CHST11: variants seen among roughly 807,000 people sequenced by gnomAD.
CHST11 encodes carbohydrate sulfotransferase 11.
A neutral mutation model predicts 30.4 loss-of-function variants in CHST11; 9 were observed. The observed-to-expected ratio is 0.30, with a 90% CI of 0.18 to 0.52. The LOEUF (loss-of-function observed/expected upper bound fraction) is 0.52, where lower values mean the gene tolerates loss of function less well. CHST11 is among the 20% of genes least tolerant of loss of function. CHST11 has a pLI of 0.97. For synonymous variants in CHST11, 152 were observed against 187.8 expected (o/e 0.81, Z 1.56); for missense variants, 348 against 460.6 (o/e 0.76, Z 2.24).
chr12:104,702,183 A>G lies in CHST11; in HGVS notation c.205-54766A>G, dbSNP rs141699303. 4.2e-3 allele frequency among the ~76,000 whole-genome samples: 633 copies of G among 152,318 alleles called. 5 individuals are homozygous for G. Among genetic ancestry groups the G allele is most frequent in the African/African-American group, 0.014 (565 of 41,558 alleles). ...TTAATTCACCCTACCATCTTACCAA[A>G]TCCTCCATTGCCCATTTCAAAGAAA... On this transcript the variant is annotated intron_variant, in intron 2 of 2. Transcript: ENST00000303694.
At chr12:104,718,342 ACTT>A (rs1227523057) in intron 2 of CHST11, among the ~76,000 whole-genome samples, 2 of 152,160 alleles carry the variant, frequency 1.3e-5, no homozygotes, top group East Asian at 3.9e-4. Flanking sequence ...TTGACCTCCT[ACTT>A]CTCTACCATT....
chr12:104,651,134 TC>T (rs2039486133), intron 2 of CHST11, among the ~76,000 whole-genome samples: 1 of 152,222 alleles, frequency 6.6e-6, no homozygotes, highest in African/African-American at 2.4e-5. Context: ...CATCTCCTGG[TC>T]CAAAGCCATC....
intron 1 of CHST11, among the ~76,000 whole-genome samples, chr12:104,477,140 T>C (rs1437082284): frequency 6.6e-6 from 1 of 152,166 alleles, no homozygotes; most frequent in Admixed American, 6.5e-5. Flanking sequence ...CTATAATAGA[T>C]CATCCTTAGG....
chr12:104,500,488 C>T (rs2037842500), intron 1 of CHST11, among the ~76,000 whole-genome samples: 1 of 152,222 alleles, frequency 6.6e-6, no homozygotes, highest in Non-Finnish European at 1.5e-5. Context: ...CTGACTTCTT[C>T]TACCCTTTGA....
intron 2 of CHST11, among the ~76,000 whole-genome samples, chr12:104,732,083 G>A (rs895875798): frequency 2.6e-5 from 4 of 152,256 alleles, no homozygotes; most frequent in Non-Finnish European, 4.4e-5. Flanking sequence ...CTCCAGGGAA[G>A]AGGATTGCGC....
At chr12:104,668,827 AC>A (rs1420465813) in intron 2 of CHST11, among the ~76,000 whole-genome samples, 9 of 152,286 alleles carry the variant, frequency 5.9e-5, no homozygotes, top group Non-Finnish European at 1.2e-4. Context: ...TGGAACCAAT[AC>A]AGTTGTTTTC....
intron 2 of CHST11, among the ~76,000 whole-genome samples, chr12:104,698,795 A>C (rs113532587): frequency 2.0e-5 from 3 of 152,352 alleles, no homozygotes; most frequent in African/African-American, 7.2e-5. Flanking sequence ...GCAAATGAAT[A>C]TTCTTTATTA....
intron 2 of CHST11, among the ~76,000 whole-genome samples, chr12:104,643,857 C>T (rs1403476115): frequency 6.6e-6 from 1 of 152,108 alleles, no homozygotes; most frequent in African/African-American, 2.4e-5. Context: ...TAAGAAGGGA[C>T]CTCTCTAGAA....
intron 2 of CHST11, among the ~76,000 whole-genome samples, chr12:104,612,001 C>T (rs61056484): frequency 1.3e-5 from 2 of 152,214 alleles, no homozygotes; most frequent in African/African-American, 4.8e-5. Flanking sequence ...CCTCTCTCGC[C>T]GCTTAGCCCA....
chr12:104,469,979 C>T (rs2037492447), intron 1 of CHST11, among the ~76,000 whole-genome samples: 2 of 152,224 alleles, frequency 1.3e-5, no homozygotes, highest in Admixed American at 1.3e-4. Context: ...TTGATTTAGA[C>T]TATTTGTTTG....
intron 2 of CHST11, among the ~76,000 whole-genome samples, chr12:104,710,208 AAAG>A (rs1175556447): frequency 6.6e-6 from 1 of 151,968 alleles, no homozygotes; most frequent in East Asian, 1.9e-4. Context: ...TCAAACAAAA[AAAG>A]AAGTTTTTTC....
intron 2 of CHST11, among the ~76,000 whole-genome samples, chr12:104,701,541 A>G (rs988171237): frequency 6.6e-6 from 1 of 152,126 alleles, no homozygotes; most frequent in African/African-American, 2.4e-5. Context: ...CTGGGAGTAC[A>G]GAGCTCCCTG....
intron 1 of CHST11, among the ~76,000 whole-genome samples, chr12:104,533,554 C>T (rs893395396): frequency 2.0e-5 from 3 of 152,238 alleles, no homozygotes; most frequent in East Asian, 3.9e-4. Context: ...TCTTTTGTTT[C>T]CTGCCATCTC....
At chr12:104,626,114 G>A (rs888193072) in intron 2 of CHST11, among the ~76,000 whole-genome samples, 2 of 152,144 alleles carry the variant, frequency 1.3e-5, no homozygotes, top group Admixed American at 1.3e-4. Flanking sequence ...AAAACACGGA[G>A]TCTTATTTGT....
chr12:104,502,826 A>T (rs1162458912), intron 1 of CHST11, among the ~76,000 whole-genome samples: 1 of 152,222 alleles, frequency 6.6e-6, no homozygotes, highest in African/African-American at 2.4e-5. Context: ...GGAGAGGAGA[A>T]TTCAGAGGCA....
chr12:104,559,128 C>T (rs2038488692), intron 1 of CHST11, among the ~76,000 whole-genome samples: 1 of 151,894 alleles, frequency 6.6e-6, no homozygotes, highest in African/African-American at 2.4e-5. Context: ...GTTGTCTTTT[C>T]TGTGCTTCCA....
At chr12:104,460,458 G>T (rs896116366) in intron 1 of CHST11, among the ~76,000 whole-genome samples, 3 of 152,112 alleles carry the variant, frequency 2.0e-5, no homozygotes, top group Non-Finnish European at 4.4e-5. Flanking sequence ...GAGCTCAGGA[G>T]TTCGAGACCA....
intron 2 of CHST11, among the ~76,000 whole-genome samples, chr12:104,744,966 C>G (rs1318542125): frequency 6.6e-6 from 1 of 151,966 alleles, no homozygotes; most frequent in Non-Finnish European, 1.5e-5. Flanking sequence ...CTCCGCCTCC[C>G]AGGTTCAAGC....
chr12:104,630,080 A>G (rs542194674), intron 2 of CHST11, among the ~76,000 whole-genome samples: 12 of 152,180 alleles, frequency 7.9e-5, no homozygotes, highest in Non-Finnish European at 1.5e-4. Context: ...TTTCCTTTTG[A>G]TTAATACGTA....
Sources: gnomAD v4.1 joint callset for allele counts (sites outside exome capture counted in the v4.1 genomes callset) on GRCh38, gnomAD v4.1.1 for gene constraint, MANE v1.5 for transcripts, NCBI Gene and HGNC (gene_info 2026-07-23, HGNC 2026-07-21) for gene names.